The following EFCAB13 variants were observed in gnomAD, a reference collection of about 807,000 sequenced individuals.
The protein encoded by EFCAB13 is EF-hand calcium binding domain 13.
A neutral mutation model predicts 110.2 loss-of-function variants in EFCAB13; 91 were observed. The observed-to-expected ratio is 0.83, with a 90% CI of 0.70 to 0.98. EFCAB13 has a LOEUF of 0.98. Ranked by LOEUF, EFCAB13 falls within the 50% of genes least tolerant of loss-of-function variation. The pLI is 0.00. For synonymous variants in EFCAB13, 323 were observed against 369.9 expected, an observed-to-expected ratio of 0.87 and a Z score of 1.45; for missense variants, 968 against 1,119.4, an observed-to-expected ratio of 0.86 and a Z score of 1.93.
In EFCAB13 at chr17:47,394,257, A is replaced by G. The variant is rs931989035; in HGVS notation, c.1801+158A>G. Among the ~76,000 whole-genome samples the G allele has an allele frequency of 2.0e-5, 3 of 152,142 alleles. No individual in the cohort carries two copies. The East Asian group carries it at 5.8e-4, about 29-fold the overall frequency. On this transcript the variant is annotated intron_variant, in intron 16 of 24. Coordinates refer to ENST00000331493, the MANE Select transcript of EFCAB13 (RefSeq NM_152347.5). ...CTTCCTGCTGCTATATTTGGCTTTAATCTCCTCTAATGACCCCTAATTCTA... is the reference window on the plus strand; with the variant it reads ...CTTCCTGCTGCTATATTTGGCTTTAGTCTCCTCTAATGACCCCTAATTCTA...
At chr17:47,427,953 A>G (rs991684367) in intron 23 of EFCAB13, among the ~76,000 whole-genome samples, 1 of 152,090 alleles carries the variant, frequency 6.6e-6, no homozygotes, top group African/African-American at 2.4e-5. Context: ...GCTTTAAAAA[A>G]GGGTTGCAAA....
chr17:47,398,254 C>A (rs1414098442), intron 17 of EFCAB13, among the ~76,000 whole-genome samples: 2 of 143,552 alleles, frequency 1.4e-5, no homozygotes, highest in South Asian at 2.4e-4. Flanking sequence ...GTCAGCCCCC[C>A]GCCCGGCCAG....
chr17:47,399,403 A>G (rs1457101779), intron 17 of EFCAB13, among the ~76,000 whole-genome samples: 1 of 152,152 alleles, frequency 6.6e-6, no homozygotes, highest in African/African-American at 2.4e-5. Context: ...GTGGTTTGCA[A>G]AATTTTGAGA....
At chr17:47,405,405 G>A (rs2143452656) in intron 20 of EFCAB13, among the ~76,000 whole-genome samples, 1 of 152,194 alleles carries the variant, frequency 6.6e-6, no homozygotes, top group South Asian at 2.1e-4. Context: ...CTAAAGATTT[G>A]TGGAAATTCA....
chr17:47,415,314 C>G (rs867218775), intron 23 of EFCAB13, among the ~76,000 whole-genome samples: 38 of 152,062 alleles, frequency 2.5e-4, no homozygotes, highest in Middle Eastern at 3.4e-3. Context: ...GTGCAGCACA[C>G]CAGCATGGCA....
chr17:47,325,236 A>C (rs2065275152), intron 2 of EFCAB13, among the ~76,000 whole-genome samples: 1 of 150,530 alleles, frequency 6.6e-6, no homozygotes, highest in Admixed American at 6.6e-5. Flanking sequence ...GCTGGTCTTG[A>C]ACTCCTGGCC....
At position 47,374,599 on chromosome 17, in the gene EFCAB13, C is replaced by T. The variant is rs1329403331; in HGVS notation, c.1005C>T (p.Ser335=). Residue 335 remains serine (S), a synonymous_variant, in exon 12 of 25, where the codon TCC becomes TCT. Coordinates refer to ENST00000331493, the MANE Select transcript of EFCAB13 (RefSeq NM_152347.5). The part of the protein sequence containing the change: ...LSSKLPEPSI[S]KKLNKKSNQY... ...CCAAACTCCCTGAACCTTCAATATC[C>T]AAAAAGTTAAATAAAAAAAGCAACC... is the stretch of plus-strand genomic sequence containing the variant. 1.9e-6 allele frequency: 3 copies of T among 1,602,940 alleles called. No homozygotes were observed. Among genetic ancestry groups the T allele is most frequent in the South Asian group, 1.1e-5 (1 of 87,700 alleles).
At chr17:47,377,998 G>A in intron 13 of EFCAB13, 95 bp downstream of exon 13, 2 of 1,194,930 alleles carry the variant, frequency 1.7e-6, no homozygotes, top group South Asian at 1.7e-5. Context: ...TTAGAAATTA[G>A]GAATGGGACA....
intron 9 of EFCAB13, among the ~76,000 whole-genome samples, chr17:47,349,704 A>C (rs1689707100): frequency 7.5e-6 from 1 of 133,650 alleles, no homozygotes; most frequent in Non-Finnish European, 1.6e-5. Flanking sequence ...AACCATTTTT[A>C]TAGTTAATGG....
chr17:47,326,335 C>G lies in EFCAB13; in HGVS notation c.-138C>G, dbSNP rs1039740231. The G allele has an allele frequency of 2.6e-5, 4 of 152,028 alleles. No individual in the cohort carries two copies. Among genetic ancestry groups the G allele is most frequent in the African/African-American group, 9.7e-5 (4 of 41,396 alleles). 9.4% of individuals were successfully genotyped at this position (152,028 alleles called of 1,614,324 possible). On this transcript the variant is annotated 5_prime_UTR_variant, in exon 3 of 25. Transcript: ENST00000331493. Reference sequence around the variant, plus strand: ...ACAATTGTTCCTTTCAAGATTTATTCAAAACGTGTCAACTCTGCTTAATTA... The same window carrying G: ...ACAATTGTTCCTTTCAAGATTTATTGAAAACGTGTCAACTCTGCTTAATTA...
At chr17:47,359,820 C>A (rs1172485858) in intron 9 of EFCAB13, among the ~76,000 whole-genome samples, 1 of 132,868 alleles carries the variant, frequency 7.5e-6, no homozygotes, top group Non-Finnish European at 1.6e-5. Context: ...GTTCCCCTTC[C>A]TGTGTCCATG....
chr17:47,420,520 G>A (rs1406423376), intron 23 of EFCAB13, among the ~76,000 whole-genome samples: 24 of 152,224 alleles, frequency 1.6e-4, no homozygotes, highest in African/African-American at 5.3e-4. Context: ...CTTCCCGGCC[G>A]CCATCCCATC....
At chr17:47,358,979 T>G (rs1210240703) in intron 9 of EFCAB13, among the ~76,000 whole-genome samples, 1 of 152,248 alleles carries the variant, frequency 6.6e-6, no homozygotes, top group Admixed American at 6.5e-5. Flanking sequence ...TCATTGCTTT[T>G]ATGGAGCAGA....
chr17:47,363,977 C>T (rs1170166148), intron 10 of EFCAB13, among the ~76,000 whole-genome samples: 1 of 152,086 alleles, frequency 6.6e-6, no homozygotes, highest in Non-Finnish European at 1.5e-5. Flanking sequence ...GCATGCCCTA[C>T]CAGGAACAAC....
At position 47,412,835 on chromosome 17, in the gene EFCAB13, T is replaced by C. The variant is rs1222086420; in HGVS notation, c.2341T>C (p.Leu781=). ...VDNGKIGIPD[L]EHALKCLNVN... ...TAATGGCAAGATTGGTATACCTGAT[T>C]TGGAGCATGCCTTGAAATGTTTGAA... The change falls in exon 22 of 25, where the codon TTG becomes CTG. Residue 781 remains leucine, a synonymous_variant. Transcript: ENST00000331493. 2 of 1,613,886 alleles carry C rather than the reference T, an allele frequency of 1.2e-6. No individual in the cohort carries two copies. Among genetic ancestry groups the C allele is most frequent in the Non-Finnish European group, 1.7e-6 (2 of 1,179,872 alleles).
intron 14 of EFCAB13, among the ~76,000 whole-genome samples, chr17:47,381,817 C>G (rs2065648626): frequency 6.6e-6 from 1 of 152,086 alleles, no homozygotes; most frequent in African/African-American, 2.4e-5. Flanking sequence ...CTTCTTTTTG[C>G]TTAGGATTGT....
rs2065285452 is a variant in EFCAB13 at position 47,326,231 on chromosome 17, A to T, written c.-242A>T. On this transcript the variant is annotated 5_prime_UTR_variant, in exon 3 of 25. Coordinates refer to ENST00000331493, the MANE Select transcript of EFCAB13 (RefSeq NM_152347.5). Reference sequence around the variant, plus strand: ...AGTTAATTTTTTCTTTTAAGTTTGGAGAGGCTTATGCGGTACCTGATTCAT... The same window carrying T: ...AGTTAATTTTTTCTTTTAAGTTTGGTGAGGCTTATGCGGTACCTGATTCAT... 1 of 152,092 alleles carries T rather than the reference A, an allele frequency of 6.6e-6. No individual in the cohort carries two copies. Among genetic ancestry groups the T allele is most frequent in the Non-Finnish European group, 1.5e-5 (1 of 68,002 alleles). 9.4% of individuals were successfully genotyped at this position (152,092 alleles called of 1,614,324 possible). A position where few individuals can be genotyped will look rare whatever the true frequency, so the allele number is the denominator to read the frequency against.
intron 4 of EFCAB13, among the ~76,000 whole-genome samples, chr17:47,333,289 G>C (rs1402081171): frequency 6.6e-6 from 1 of 152,046 alleles, no homozygotes; most frequent in Admixed American, 6.6e-5. Flanking sequence ...TGGATAGTTT[G>C]TTTTCTTGCT....
chr17:47,329,273 A>G (rs888881118), intron 4 of EFCAB13, among the ~76,000 whole-genome samples: 6 of 151,850 alleles, frequency 4.0e-5, no homozygotes, highest in African/African-American at 1.5e-4. Flanking sequence ...GCAGTAAGCC[A>G]TTTTCCAGAA....
Sources: allele counts gnomAD v4.1 joint callset (sites outside exome capture counted in the v4.1 genomes callset), GRCh38; gene constraint gnomAD v4.1.1; transcripts MANE v1.5; gene names NCBI Gene and HGNC (gene_info 2026-07-23, HGNC 2026-07-21).